NFAT5: variants seen among roughly 807,000 people sequenced by gnomAD.
NFAT5 encodes nuclear factor of activated T-cells 5.
A neutral mutation model predicts 166.5 loss-of-function variants in NFAT5; 31 were observed. The observed-to-expected ratio is 0.19, with a 90% CI of 0.14 to 0.25. NFAT5 has a LOEUF of 0.25. Among genes scored for constraint, NFAT5 ranks in the 10% least tolerant of loss-of-function variants. The pLI is 1.00. For missense variants in NFAT5, 1,449 were observed against 1,821.8 expected, an observed-to-expected ratio of 0.80 and a Z score of 3.72; for synonymous variants, 612 against 639.7, an observed-to-expected ratio of 0.96 and a Z score of 0.65.
chr16:69,682,740 A>G (rs894721404), intron 10 of NFAT5, among the ~76,000 whole-genome samples: 1 of 152,164 alleles, frequency 6.6e-6, no homozygotes, highest in East Asian at 1.9e-4. Flanking sequence ...AATGTCATGC[A>G]TAAATATGTG....
chr16:69,589,856 C>T (rs141882987), intron 2 of NFAT5, among the ~76,000 whole-genome samples: 71 of 152,170 alleles, frequency 4.7e-4, no homozygotes, highest in African/African-American at 1.6e-3. Context: ...TGACACCCCA[C>T]GCATCTAAAA....
At chr16:69,577,206 T>G (rs1252199725) in intron 2 of NFAT5, among the ~76,000 whole-genome samples, 1 of 152,198 alleles carries the variant, frequency 6.6e-6, no homozygotes, top group Non-Finnish European at 1.5e-5. Context: ...TCTATTTCCC[T>G]TCTTCTGAAA....
At chr16:69,666,876 T>A (rs2036404343) in intron 7 of NFAT5, among the ~76,000 whole-genome samples, 1 of 152,148 alleles carries the variant, frequency 6.6e-6, no homozygotes, top group Non-Finnish European at 1.5e-5. Flanking sequence ...TGCACACATA[T>A]GTTTATTGCA....
intron 9 of NFAT5, among the ~76,000 whole-genome samples, chr16:69,672,105 A>T (rs369844210): frequency 2.6e-5 from 4 of 152,242 alleles, no homozygotes; most frequent in Admixed American, 2.6e-4. Flanking sequence ...TCTCTGGGTA[A>T]AGTTAATTAT....
intron 2 of NFAT5, among the ~76,000 whole-genome samples, chr16:69,574,158 A>T (rs532599928): frequency 6.6e-6 from 1 of 152,188 alleles, no homozygotes; most frequent in Admixed American, 6.5e-5. Flanking sequence ...GGCGTGAGCC[A>T]CTGCGCCCGG....
intron 2 of NFAT5, among the ~76,000 whole-genome samples, chr16:69,583,416 T>A (rs1417615911): frequency 6.6e-6 from 1 of 152,076 alleles, no homozygotes; most frequent in South Asian, 2.1e-4. Context: ...GATTCTTCTC[T>A]GTTGCCCAGG....
chr16:69,682,968 T>C (rs2037131713), intron 10 of NFAT5, among the ~76,000 whole-genome samples: 1 of 152,148 alleles, frequency 6.6e-6, no homozygotes, highest in Non-Finnish European at 1.5e-5. Context: ...TCCCAGCACT[T>C]TGGGAGACCG....
intron 2 of NFAT5, among the ~76,000 whole-genome samples, chr16:69,599,020 CAAAA>C (rs1216510761): frequency 1.9e-5 from 1 of 52,626 alleles, no homozygotes; most frequent in Non-Finnish European, 3.9e-5. Flanking sequence ...GACTCTGTCT[CAAAA>C]AAAAAAAAAA....
chr16:69,623,610 C>T (rs987561762), intron 2 of NFAT5, among the ~76,000 whole-genome samples: 3 of 151,662 alleles, frequency 2.0e-5, no homozygotes, highest in South Asian at 2.1e-4. Context: ...CAGGTTTAAG[C>T]GGTTCTCCTG....
chr16:69,612,844 C>G (rs1333283958), intron 2 of NFAT5, among the ~76,000 whole-genome samples: 5 of 149,264 alleles, frequency 3.3e-5, no homozygotes, highest in Admixed American at 6.7e-5. Context: ...CACTGGGTGA[C>G]AGGGCGAAAT....
At chr16:69,572,817 A>G (rs918266361) in intron 2 of NFAT5, among the ~76,000 whole-genome samples, 2 of 152,148 alleles carry the variant, frequency 1.3e-5, no homozygotes, top group African/African-American at 4.8e-5. Flanking sequence ...CTAAATGCTG[A>G]TCTGATATAA....
intron 9 of NFAT5, among the ~76,000 whole-genome samples, chr16:69,673,365 A>G (rs901409464): frequency 6.6e-6 from 1 of 152,000 alleles, no homozygotes; most frequent in Non-Finnish European, 1.5e-5. Flanking sequence ...CTGAGATCCT[A>G]GAGAATTGAT....
intron 10 of NFAT5, among the ~76,000 whole-genome samples, chr16:69,679,295 G>T (rs1361884400): frequency 6.6e-6 from 1 of 151,956 alleles, no homozygotes; most frequent in African/African-American, 2.4e-5. Flanking sequence ...TGTTACAAAA[G>T]GTATGCCACA....
chr16:69,668,949 A>G (rs2036514388), intron 7 of NFAT5, among the ~76,000 whole-genome samples: 1 of 152,088 alleles, frequency 6.6e-6, no homozygotes, highest in African/African-American at 2.4e-5. Flanking sequence ...AGTACTTAAC[A>G]CCGGTGCAGT....
chr16:69,568,346 A>ATATATATGTGTG lies in NFAT5; in HGVS notation c.74-148_74-147insATATATGTGTGT, dbSNP rs1190306661. On this transcript the variant is annotated intron_variant, in intron 1 of 14. Coordinates refer to ENST00000349945, the MANE Select transcript of NFAT5 (RefSeq NM_138713.4). Reference sequence around the variant, plus strand: ...AAAATGTATGTGTGTATATATATATATGTGTGTGTGTGTGTGTGTGTGTGT... The same window carrying ATATATATGTGTG: ...AAAATGTATGTGTGTATATATATATATATATATGTGTGTGTGTGTGTGTGTGTGTGTGTGTGT... The ATATATATGTGTG allele has an allele frequency of 1.1e-4, 20 of 180,670 alleles. No homozygotes were observed. The East Asian group carries it at 1.5e-3, about 14-fold the overall frequency. The allele number at this position is 180,670 out of a possible 1,614,324, so 11.2% of individuals were successfully genotyped here. A position where few individuals can be genotyped will look rare whatever the true frequency, so the allele number is the denominator to read the frequency against.
In NFAT5 at chr16:69,647,209, C is replaced by T; in HGVS notation, c.435C>T (p.Asn145=). 1.2e-6 allele frequency: 2 copies of T among 1,614,088 alleles called. No homozygotes were observed. The highest frequency in any genetic ancestry group is 4.5e-5 in the East Asian group (2 of 44,884). ...RGVSEKQLTS[N]TVQQHPSTPK... ...TAAGTGAAAAGCAGTTAACCAGTAA[C>T]ACAGTTCAGCAGCATCCATCAACAC... The change falls in exon 4 of 15, where the codon AAC becomes AAT. Residue 145 remains asparagine (N), a synonymous_variant. Transcript: ENST00000349945. This position sits in a 1 kb window ranked among gnomAD's most constrained non-coding sequence, Gnocchi z 4.8.
At chr16:69,601,294 C>A (rs1181739223) in intron 2 of NFAT5, among the ~76,000 whole-genome samples, 1 of 152,146 alleles carries the variant, frequency 6.6e-6, no homozygotes, top group African/African-American at 2.4e-5. Context: ...AGGGATTATA[C>A]ATCTGTTTTA....
intron 2 of NFAT5, among the ~76,000 whole-genome samples, chr16:69,585,293 G>A (rs1343246171): frequency 3.3e-5 from 5 of 151,980 alleles, no homozygotes; most frequent in African/African-American, 1.2e-4. Flanking sequence ...ACTGGTGTGA[G>A]CCACGGCGCC....
At chr16:69,652,830 T>C (rs2035729342) in intron 4 of NFAT5, among the ~76,000 whole-genome samples, 1 of 152,138 alleles carries the variant, frequency 6.6e-6, no homozygotes, top group South Asian at 2.1e-4. Flanking sequence ...TTTATATAAA[T>C]TTTGGAATTT....
Sources: gnomAD v4.1 joint callset for allele counts (sites outside exome capture counted in the v4.1 genomes callset) on GRCh38, gnomAD v4.1.1 for gene constraint, Gnocchi (gnomAD v3.1) non-coding constraint, MANE v1.5 for transcripts, NCBI Gene and HGNC (gene_info 2026-07-23, HGNC 2026-07-21) for gene names.